CNOT2: variants seen among roughly 807,000 people sequenced by gnomAD.
CNOT2 encodes the protein CC chemokine receptor 4-negative regulator of transcription 2.
In CNOT2, 7 loss-of-function variants were observed where a neutral mutation model predicts 72.1. That is an observed-to-expected ratio of 0.10 (90% CI 0.06 to 0.18). The LOEUF (loss-of-function observed/expected upper bound fraction) is 0.18, where lower values mean the gene tolerates loss of function less well. Ranked by LOEUF, CNOT2 falls within the 10% of genes least tolerant of loss-of-function variation. The pLI is 1.00. For missense variants in CNOT2, 345 were observed against 660.3 expected (o/e 0.52, Z 5.23); for synonymous variants, 196 against 225.6 (o/e 0.87, Z 1.17).
intron 2 of CNOT2, among the ~76,000 whole-genome samples, chr12:70,295,251 A>G (rs1194937533): frequency 6.6e-6 from 1 of 152,214 alleles, no homozygotes; most frequent in African/African-American, 2.4e-5. Context: ...AAGTTTCTTC[A>G]GAGAAAGTAT....
chr12:70,346,150 G>A (rs1332096046), intron 14 of CNOT2, 30 bp from the exon 15 acceptor site: 5 of 1,524,158 alleles, frequency 3.3e-6, no homozygotes, highest in Non-Finnish European at 4.5e-6. Context: ...ACAGGAAAAA[G>A]TTAATTATCT....
intron 1 of CNOT2, among the ~76,000 whole-genome samples, chr12:70,255,255 T>A (rs966839465): frequency 6.6e-6 from 1 of 152,194 alleles, no homozygotes; most frequent in African/African-American, 2.4e-5. Context: ...TGTATTTGTG[T>A]CCTTTCTCTT....
At chr12:70,332,226 C>T (rs1880060894) in intron 6 of CNOT2, among the ~76,000 whole-genome samples, 1 of 151,612 alleles carries the variant, frequency 6.6e-6, no homozygotes, top group Admixed American at 6.6e-5. Flanking sequence ...TTCCTGAACA[C>T]TAAAGGGCAG....
chr12:70,265,773 C>T (rs944098666), intron 1 of CNOT2, among the ~76,000 whole-genome samples: 2 of 151,718 alleles, frequency 1.3e-5, no homozygotes, highest in Non-Finnish European at 2.9e-5. Context: ...ATAAATTTCC[C>T]CTTGAGTACT....
chr12:70,245,237 A>T (rs1422904611), intron 1 of CNOT2, among the ~76,000 whole-genome samples: 7 of 151,968 alleles, frequency 4.6e-5, no homozygotes, highest in Admixed American at 4.6e-4. Context: ...TATAATGTTA[A>T]ATCTAAAGAA....
chr12:70,294,743 G>A (rs943918229), intron 2 of CNOT2, among the ~76,000 whole-genome samples: 2 of 152,150 alleles, frequency 1.3e-5, no homozygotes, highest in African/African-American at 4.8e-5. Flanking sequence ...TTTTCCTGAG[G>A]TATTAGGCAG....
At chr12:70,290,545 C>T (rs1179677099) in intron 2 of CNOT2, among the ~76,000 whole-genome samples, 1 of 152,114 alleles carries the variant, frequency 6.6e-6, no homozygotes, top group Non-Finnish European at 1.5e-5. Context: ...GGATTATTGT[C>T]CTGCACGGCC....
intron 3 of CNOT2, 95 bp downstream of exon 3, chr12:70,311,112 G>T (rs903740126): frequency 1.2e-6 from 1 of 823,982 alleles, no homozygotes; most frequent in African/African-American, 1.7e-5. Context: ...ACTGTCTGTG[G>T]TTGAGTGACA....
chr12:70,252,554 C>T (rs1324110531), intron 1 of CNOT2, among the ~76,000 whole-genome samples: 4 of 152,130 alleles, frequency 2.6e-5, no homozygotes, highest in African/African-American at 9.7e-5. Flanking sequence ...GAGCTGCCCA[C>T]GTAGCCTGAT....
intron 2 of CNOT2, among the ~76,000 whole-genome samples, chr12:70,284,606 G>A (rs777261318): frequency 2.9e-5 from 4 of 140,042 alleles, no homozygotes; most frequent in East Asian, 2.1e-4. Context: ...GGCATTCATG[G>A]CTTCTCTTTG....
At position 70,332,811 on chromosome 12, in the gene CNOT2, A is replaced by G. The variant is rs774964600; in HGVS notation, c.614A>G (p.Asn205Ser). The change falls in exon 7 of 16, where the codon AAT becomes AGT. Residue 205 changes from asparagine (N) to serine (S), a missense_variant. Coordinates refer to ENST00000229195, the MANE Select transcript of CNOT2 (RefSeq NM_014515.7). ...GMNRNQAFGMNNSLSSNIFNG... is the reference protein window; with the variant it reads ...GMNRNQAFGMSNSLSSNIFNG... ...AACAGGAATCAGGCATTTGGAATGA[A>G]TAACTCCTTATCAAGTAACATTTTT... 3 of 1,607,200 alleles carry G rather than the reference A, an allele frequency of 1.9e-6. No individual in the cohort carries two copies. The highest frequency in any genetic ancestry group is 1.7e-5 in the Admixed American group (1 of 59,314).
chr12:70,276,355 C>T lies in CNOT2; in HGVS notation c.-95-1777C>T, dbSNP rs1195777499. On this transcript the variant is annotated intron_variant, in intron 1 of 15. Coordinates refer to ENST00000229195, the MANE Select transcript of CNOT2 (RefSeq NM_014515.7). ...ATATAATTGGAGGTAATTCGTAGAC[C>T]CTAAATATTATATAAGAAGGAAAAC... Among the ~76,000 whole-genome samples the T allele has an allele frequency of 2.0e-5, 3 of 151,640 alleles. No homozygotes were observed. In the East Asian group the frequency reaches 5.8e-4, roughly 29 times the overall value.
At chr12:70,281,782 T>A (rs1869882128) in intron 2 of CNOT2, among the ~76,000 whole-genome samples, 1 of 148,690 alleles carries the variant, frequency 6.7e-6, no homozygotes, top group Non-Finnish European at 1.5e-5. Context: ...ACTTGTGCAG[T>A]CCAATGCCGT....
upstream of CNOT2, chr12:70,243,112 G>C (rs1381042566): frequency 6.6e-6 from 1 of 152,290 alleles, no homozygotes; most frequent in Non-Finnish European, 1.5e-5. Context: ...CTCAGGGCCA[G>C]AGCCTTCTGC....
chr12:70,345,113 T>C (rs1036096137), intron 14 of CNOT2: 1 of 152,216 alleles, frequency 6.6e-6, no homozygotes, highest in Non-Finnish European at 1.5e-5. Flanking sequence ...AAATGTACAG[T>C]TGGCAACACA....
chr12:70,342,101 A>AT lies in CNOT2; in HGVS notation c.1179-4dup, dbSNP rs767214197. The AT allele has an allele frequency of 2.4e-4, 364 of 1,546,844 alleles. No individual in the cohort carries two copies. The highest frequency in any genetic ancestry group is 3.1e-4 in the Non-Finnish European group (342 of 1,118,876). ...TTCAAAATGTTTTCTTTTCCTCCTT[A>AT]TTCAGAAATCTCTACCCCAAATTTG... On this transcript the variant is annotated splice_polypyrimidine_tract_variant and splice_region_variant and intron_variant, in intron 11 of 15. Coordinates refer to ENST00000229195, the MANE Select transcript of CNOT2 (RefSeq NM_014515.7).
intron 14 of CNOT2, 95 bp from the exon 15 acceptor site, chr12:70,346,084 AT>A (rs991575313): frequency 7.4e-4 from 483 of 648,516 alleles, no homozygotes; most frequent in South Asian, 9.3e-4. Flanking sequence ...TTTATGTGTA[AT>A]TTTTTTTTTC....
chr12:70,323,208 G>A (rs1194411233), intron 4 of CNOT2: 1 of 151,670 alleles, frequency 6.6e-6, no homozygotes, highest in Non-Finnish European at 1.5e-5. Flanking sequence ...ATGTGTGGTA[G>A]AAGAGATCAT....
In CNOT2 at chr12:70,310,873, TAAAAG is replaced by T; in HGVS notation, c.49-21_49-17del. On this transcript the variant is annotated splice_polypyrimidine_tract_variant and intron_variant, in intron 2 of 15. Transcript: ENST00000229195. ...ACATTTTCCAAAGTATTACCCCTGA[TAAAAG>T]TAATATTTTTGTTTAGGTGACAAAC... 1 of 1,607,478 alleles carries T rather than the reference TAAAAG, an allele frequency of 6.2e-7. No homozygotes were observed. The highest frequency in any genetic ancestry group is 8.5e-7 in the Non-Finnish European group (1 of 1,175,710).
Sources: allele counts gnomAD v4.1 joint callset (sites outside exome capture counted in the v4.1 genomes callset), GRCh38; gene constraint gnomAD v4.1.1; transcripts MANE v1.5; gene names NCBI Gene and HGNC (gene_info 2026-07-23, HGNC 2026-07-21).